The following PPL variants were observed in gnomAD, a reference collection of about 807,000 sequenced individuals.
PPL encodes 190 kDa paraneoplastic pemphigus antigen.
PPL carries 198 observed loss-of-function variants against 194.4 expected under a neutral mutation model. The observed-to-expected ratio is 1.02, with a 90% confidence interval of 0.91 to 1.15. The LOEUF is 1.15. Among genes scored for constraint, PPL ranks in the 50% most tolerant of loss-of-function variants. PPL has a pLI of 0.00. For synonymous variants in PPL, 1,220 were observed against 972.4 expected, an observed-to-expected ratio of 1.25 and a Z score of -4.74; for missense variants, 2,885 against 2,294.8, an observed-to-expected ratio of 1.26 and a Z score of -5.25.
In PPL at chr16:4,895,335, G is replaced by A. The variant is rs2088404717; in HGVS notation, c.1168C>T (p.Pro390Ser). ...GGAGTCTCCCGGCGGTACTTGAGGGGCACCACCTGCTGGCCTCGCTTCTGC... is the reference window on the plus strand; with the variant it reads ...GGAGTCTCCCGGCGGTACTTGAGGGACACCACCTGCTGGCCTCGCTTCTGC... ...GLQKRGQQVV[P>S]LKYRRETPLK... Residue 390 changes from proline to serine, a missense_variant, in exon 11 of 22, where the codon CCC (proline) becomes TCC (serine). By Grantham distance (74) the Pro-to-Ser change is moderately conservative. Coordinates refer to ENST00000345988, the MANE Select transcript of PPL (RefSeq NM_002705.5). 5 of 1,613,274 alleles carry A rather than the reference G, an allele frequency of 3.1e-6. No individual in the cohort carries two copies. Among genetic ancestry groups the A allele is most frequent in the African/African-American group, 2.7e-5 (2 of 74,932 alleles).
At chr16:4,936,547 G>C (rs957906220) in intron 1 of PPL, among the ~76,000 whole-genome samples, 2 of 152,194 alleles carry the variant, frequency 1.3e-5, no homozygotes, top group South Asian at 2.1e-4. Context: ...CCCCCTGGAC[G>C]GAGCTTCCTG....
intron 1 of PPL, among the ~76,000 whole-genome samples, chr16:4,936,351 A>C (rs2034897076): frequency 6.6e-6 from 1 of 151,620 alleles, no homozygotes; most frequent in Non-Finnish European, 1.5e-5. Context: ...CCGACCCCAC[A>C]CCCCCCAGGG....
chr16:4,890,758 A>C lies in PPL; in HGVS notation c.2132T>G (p.Phe711Cys). The change falls in exon 17 of 22, where the codon TTC becomes TGC. Residue 711 changes from phenylalanine (F) to cysteine (C), a missense_variant. By Grantham distance (205) the Phe-to-Cys change is radical. Coordinates refer to ENST00000345988, the MANE Select transcript of PPL (RefSeq NM_002705.5). The stretch of plus-strand genomic sequence containing the variant: ...TTCCACCTGCTGGCGCAGGTTGTTG[A>C]AACGCTGGCCCAGCTTGTGCACCTC... ...EAEVHKLGQR[F>C]NNLRQQVERR... 6.2e-7 allele frequency: 1 copy of C among 1,608,858 alleles called. No individual in the cohort carries two copies. The highest frequency in any genetic ancestry group is 8.5e-7 in the Non-Finnish European group (1 of 1,178,258).
chr16:4,905,154 C>T (rs191916800), intron 2 of PPL, among the ~76,000 whole-genome samples: 232 of 152,238 alleles, frequency 1.5e-3, no homozygotes, highest in African/African-American at 5.0e-3. Context: ...GCACTCAGAG[C>T]CGGCCGCCGG....
In PPL at chr16:4,902,331, G is replaced by T; in HGVS notation, c.438+75C>A. 3 of 1,583,910 alleles carry T rather than the reference G, an allele frequency of 1.9e-6. No individual in the cohort carries two copies. The highest frequency in any genetic ancestry group is 2.6e-6 in the Non-Finnish European group (3 of 1,164,578). On this transcript the variant is annotated intron_variant, in intron 4 of 21. Transcript: ENST00000345988. This position sits in a 1 kb window ranked among gnomAD's most constrained non-coding sequence, Gnocchi z 4.0. ...AAGACCCGGGATGCCCATTACATGG[G>T]TAGGCTCTCCCTGCACACGCACAGC...
intron 9 of PPL, 77 bp from the exon 10 acceptor site, chr16:4,895,793 A>G: frequency 6.3e-7 from 1 of 1,596,762 alleles, no homozygotes; most frequent in Non-Finnish European, 8.6e-7. Context: ...CTTCAAGCTC[A>G]TCCCTCAGGC....
chr16:4,891,801 C>T lies in PPL; in HGVS notation c.1968+10G>A, dbSNP rs769020753. On this transcript the variant is annotated intron_variant, in intron 16 of 21. Coordinates refer to ENST00000345988, the MANE Select transcript of PPL (RefSeq NM_002705.5). ...GAGAAGGACTCCCAGGACTTGGGCC[C>T]TAGACTCACCGCCAGCTCCTGCCCC... 6.2e-7 allele frequency: 1 copy of T among 1,604,996 alleles called. No homozygotes were observed. The highest frequency in any genetic ancestry group is 8.5e-7 in the Non-Finnish European group (1 of 1,176,048).
intron 19 of PPL, chr16:4,888,663 A>C: frequency 2.6e-6 from 1 of 390,602 alleles, no homozygotes; most frequent in Non-Finnish European, 4.6e-6. Flanking sequence ...CCAGCGTACT[A>C]GTTTTGCTAT....
intron 1 of PPL, among the ~76,000 whole-genome samples, chr16:4,917,922 T>C (rs1428164471): frequency 6.7e-6 from 1 of 148,958 alleles, no homozygotes; most frequent in African/African-American, 2.5e-5. Context: ...ACAAAAACAC[T>C]GAACTGAACA....
chr16:4,933,807 C>A (rs1315416968), intron 1 of PPL, among the ~76,000 whole-genome samples: 1 of 152,214 alleles, frequency 6.6e-6, no homozygotes, highest in African/African-American at 2.4e-5. Flanking sequence ...AGCAACAGTG[C>A]CTATGGAATT....
intron 18 of PPL, among the ~76,000 whole-genome samples, 181 bp from the exon 19 acceptor site, chr16:4,889,242 T>TTG (rs796421270): frequency 1.8e-3 from 17 of 9,376 alleles, no homozygotes; most frequent in South Asian, 9.4e-3. Context: ...GTTGTTGTTG[T>TTG]TTTTTTTTTT....
chr16:4,932,028 G>C (rs976503160), intron 1 of PPL, among the ~76,000 whole-genome samples: 68 of 152,196 alleles, frequency 4.5e-4, no homozygotes, highest in African/African-American at 1.6e-3. Flanking sequence ...TCTACCATTT[G>C]GCCTGGAGCA....
chr16:4,896,679 G>A (rs1267453337), intron 9 of PPL, among the ~76,000 whole-genome samples: 5 of 145,242 alleles, frequency 3.4e-5, no homozygotes, highest in South Asian at 4.4e-4. Context: ...TCACTCTGTC[G>A]CCCAGGCTGG....
chr16:4,907,314 A>T (rs1233772412), intron 2 of PPL, among the ~76,000 whole-genome samples: 44 of 5,476 alleles, frequency 8.0e-3, no homozygotes, highest in Admixed American at 0.018. Flanking sequence ...AATCTCACAC[A>T]CACACACACA....
chr16:4,904,632 GAC>G (rs2088646007), intron 2 of PPL, among the ~76,000 whole-genome samples: 1 of 152,202 alleles, frequency 6.6e-6, no homozygotes, highest in African/African-American at 2.4e-5. Context: ...AGCGAGCTAC[GAC>G]TGGGCCATAG....
chr16:4,915,967 T>C (rs1032638968), intron 1 of PPL, among the ~76,000 whole-genome samples: 1 of 152,162 alleles, frequency 6.6e-6, no homozygotes, highest in African/African-American at 2.4e-5. Context: ...ACTTCACAGA[T>C]TAATTTAAAA....
rs150140285 is a variant in PPL, at chr16:4,914,475, C to T, written c.63-3526G>A. 3.0e-4 allele frequency among the ~76,000 whole-genome samples: 45 copies of T among 152,272 alleles called. No homozygotes were observed. In the East Asian group the frequency reaches 7.5e-3, roughly 25 times the overall value. On this transcript the variant is annotated intron_variant, in intron 1 of 21. Coordinates refer to ENST00000345988, the MANE Select transcript of PPL (RefSeq NM_002705.5). ...GCAGCCAACATGCTGGGGATCCATCCGTCTAGGTTCCACACCTTGCTTAAG... is the reference window on the plus strand; with the variant it reads ...GCAGCCAACATGCTGGGGATCCATCTGTCTAGGTTCCACACCTTGCTTAAG...
chr16:4,911,442 G>A (rs965711646), intron 1 of PPL, among the ~76,000 whole-genome samples: 2 of 152,030 alleles, frequency 1.3e-5, no homozygotes, highest in African/African-American at 4.8e-5. Context: ...GATTACAGGC[G>A]TGAGCCACCG....
intron 21 of PPL, 87 bp downstream of exon 21, chr16:4,887,048 A>G: frequency 2.6e-6 from 3 of 1,175,606 alleles, no homozygotes; most frequent in South Asian, 1.2e-5. Context: ...ACTTCCATCA[A>G]TTCACAAACC....
Sources: gnomAD v4.1 joint callset for allele counts (sites outside exome capture counted in the v4.1 genomes callset) on GRCh38, gnomAD v4.1.1 for gene constraint, Gnocchi (gnomAD v3.1) non-coding constraint, MANE v1.5 for transcripts, NCBI Gene and HGNC (gene_info 2026-07-23, HGNC 2026-07-21) for gene names.